ATG4B: variants seen among roughly 807,000 people sequenced by gnomAD.
ATG4B encodes autophagy related 4B cysteine peptidase.
ATG4B carries 29 observed loss-of-function variants against 56.6 expected under a neutral mutation model. That is an observed-to-expected ratio of 0.51 (90% CI 0.38 to 0.70). ATG4B has a LOEUF of 0.70. ATG4B is among the 30% of genes least tolerant of loss of function. The pLI, the probability that ATG4B is intolerant of heterozygous loss-of-function variation, is 0.00. For synonymous variants in ATG4B, 224 were observed against 206.1 expected (o/e 1.09, Z -0.74); for missense variants, 461 against 515.5 (o/e 0.89, Z 1.02).
chr2:241,654,516 A>T, intron 4 of ATG4B, 30 bp from the exon 5 acceptor site: 1 of 1,485,790 alleles, frequency 6.7e-7, no homozygotes, highest in Non-Finnish European at 9.2e-7. Flanking sequence ...TATTTATGGT[A>T]GAGCTGACCT....
At position 241,662,956 on chromosome 2, in the gene ATG4B, C is replaced by CCGGGCG. The variant is rs566208241; in HGVS notation, c.539-3685_539-3680dup. On this transcript the variant is annotated intron_variant, in intron 7 of 12. Coordinates refer to ENST00000404914, the MANE Select transcript of ATG4B (RefSeq NM_013325.5). ...CCAACTTCAAAACCAATAAAGCGGG[C>CCGGGCG]CGGGCGCGGTGGCTCACGCCTATAA... Among the ~76,000 whole-genome samples, 282 of 152,282 alleles carry CCGGGCG rather than the reference C, an allele frequency of 1.9e-3. 2 individuals are homozygous for CCGGGCG. Among genetic ancestry groups the CCGGGCG allele is most frequent in the Admixed American group, 0.012 (181 of 15,290 alleles).
chr2:241,670,536 T>A, intron 10 of ATG4B, 190 bp from the exon 11 acceptor site: 1 of 630,998 alleles, frequency 1.6e-6, no homozygotes, highest in Middle Eastern at 4.0e-4. Flanking sequence ...CGGGCACTGG[T>A]GCAGGGGACC....
chr2:241,660,105 G>T (rs938281779), intron 7 of ATG4B, among the ~76,000 whole-genome samples: 1 of 152,154 alleles, frequency 6.6e-6, no homozygotes, highest in African/African-American at 2.4e-5. Flanking sequence ...CAGAAGAATC[G>T]CTTGAACCTG....
chr2:241,651,074 C>T lies in ATG4B; in HGVS notation c.75C>T (p.Pro25=), dbSNP rs376166765. The change falls in exon 2 of 13, where the codon CCC becomes CCT. Residue 25 remains proline, a synonymous_variant. Coordinates refer to ENST00000404914, the MANE Select transcript of ATG4B (RefSeq NM_013325.5). The surrounding 1 kb of genome is among the most constrained non-coding windows in gnomAD (Gnocchi z 4.1). ...EFEDFPETSE[P]VWILGRKYSI... ...AAGATTTTCCTGAGACCTCAGAGCC[C>T]GTTTGGATACTGGGTAGAAAATACA... 24 of 1,613,740 alleles carry T rather than the reference C, an allele frequency of 1.5e-5. No individual in the cohort carries two copies. The African/African-American group carries it at 1.9e-4, about 13-fold the overall frequency.
intron 6 of ATG4B, among the ~76,000 whole-genome samples, chr2:241,656,276 C>T (rs902575633): frequency 3.9e-5 from 6 of 152,168 alleles, no homozygotes; most frequent in Non-Finnish European, 5.9e-5. Context: ...TGCACAAGTC[C>T]GTCTCTGCCA....
chr2:241,654,834 C>T (rs1437868754), intron 5 of ATG4B, 187 bp downstream of exon 5: 23 of 606,982 alleles, frequency 3.8e-5, no homozygotes, highest in Middle Eastern at 8.7e-4. Context: ...ACATCACCCC[C>T]GTCCCACCCA....
chr2:241,652,001 C>G (rs992161987), intron 3 of ATG4B: 3 of 1,298,844 alleles, frequency 2.3e-6, no homozygotes, highest in African/African-American at 1.5e-5. Flanking sequence ...CGTCATGCTT[C>G]CTCAGTGCCA....
At chr2:241,640,787 C>T (rs866430009) in intron 1 of ATG4B, among the ~76,000 whole-genome samples, 6 of 151,894 alleles carry the variant, frequency 4.0e-5, no homozygotes, top group East Asian at 3.9e-4. Flanking sequence ...TCAGGTGCAG[C>T]GGGTGGCGGT....
chr2:241,659,300 C>G (rs1331731107), intron 7 of ATG4B, 113 bp downstream of exon 7: 3 of 931,416 alleles, frequency 3.2e-6, no homozygotes, highest in Non-Finnish European at 5.1e-6. Flanking sequence ...TCGCCCCATG[C>G]CGTGCAGGTG....
At chr2:241,644,047 A>C (rs1487794120) in intron 1 of ATG4B, among the ~76,000 whole-genome samples, 1 of 151,954 alleles carries the variant, frequency 6.6e-6, no homozygotes, top group East Asian at 1.9e-4. Context: ...GATCTCATAC[A>C]TCTGAGAGTC....
rs2068231832 is a variant in ATG4B at position 241,651,552 on chromosome 2, C to G, written c.184+217C>G. On this transcript the variant is annotated intron_variant, in intron 3 of 12. Coordinates refer to ENST00000404914, the MANE Select transcript of ATG4B (RefSeq NM_013325.5). The surrounding 1 kb of genome is among the most constrained non-coding windows in gnomAD (Gnocchi z 4.1). ...GCTAGTGTGTTTTCAACTGCAAATCCCAGCTTATTACTGGAGCTGGAAATC... is the reference window on the plus strand; with the variant it reads ...GCTAGTGTGTTTTCAACTGCAAATCGCAGCTTATTACTGGAGCTGGAAATC... Among the ~76,000 whole-genome samples, 1 of 152,180 alleles carries G rather than the reference C, an allele frequency of 6.6e-6. No homozygotes were observed. Among genetic ancestry groups the G allele is most frequent in the Non-Finnish European group, 1.5e-5 (1 of 68,042 alleles).
At chr2:241,639,517 G>A (rs1406691805) in intron 1 of ATG4B, among the ~76,000 whole-genome samples, 2 of 152,200 alleles carry the variant, frequency 1.3e-5, no homozygotes, top group Non-Finnish European at 1.5e-5. Flanking sequence ...CTTTGTACTT[G>A]CATTCATTGG....
At chr2:241,645,749 G>C (rs529183113) in intron 1 of ATG4B, among the ~76,000 whole-genome samples, 4 of 152,306 alleles carry the variant, frequency 2.6e-5, no homozygotes, top group Admixed American at 1.3e-4. Flanking sequence ...AGTACCGAGA[G>C]GAGGGTGCAG....
rs763529623 is a variant in ATG4B, at chr2:241,651,033, C to G, written c.34C>G (p.Arg12Gly). ...DAATLTYDTL[R>G]FAEFEDFPET... ...AGCTACTCTGACCTACGACACTCTC[C>G]GGTTTGCTGAGTTTGAAGATTTTCC... The change falls in exon 2 of 13, where the codon CGG (arginine) becomes GGG (glycine). Residue 12 changes from arginine to glycine, a missense_variant. Transcript: ENST00000404914. The surrounding 1 kb of genome is among the most constrained non-coding windows in gnomAD (Gnocchi z 4.1). 1 of 1,613,740 alleles carries G rather than the reference C, an allele frequency of 6.2e-7. No individual in the cohort carries two copies. Among genetic ancestry groups the G allele is most frequent in the Non-Finnish European group, 8.5e-7 (1 of 1,179,838 alleles).
intron 1 of ATG4B, among the ~76,000 whole-genome samples, chr2:241,647,395 G>T (rs2068093465): frequency 6.6e-6 from 1 of 150,764 alleles, no homozygotes; most frequent in African/African-American, 2.4e-5. Flanking sequence ...GAGGCGGGAG[G>T]ATCATGAGGT....
In ATG4B at chr2:241,655,233, G is replaced by A. The variant is rs1178087630; in HGVS notation, c.386-38G>A. Reference sequence around the variant, plus strand: ...GTGCCACCAGAGGTCAGGGCTGGGGGCGGGTGTGTGTTGCTAATGTGTATC... The same window carrying A: ...GTGCCACCAGAGGTCAGGGCTGGGGACGGGTGTGTGTTGCTAATGTGTATC... On this transcript the variant is annotated intron_variant, in intron 5 of 12. Transcript: ENST00000404914. The A allele has an allele frequency of 1.9e-6, 3 of 1,583,324 alleles. No homozygotes were observed. The South Asian group carries it at 3.4e-5, about 18-fold the overall frequency.
chr2:241,653,751 G>T (rs994750197), intron 4 of ATG4B, 141 bp downstream of exon 4: 1 of 695,820 alleles, frequency 1.4e-6, no homozygotes, highest in Non-Finnish European at 2.3e-6. Flanking sequence ...TGAGCCACTT[G>T]TTTTTCTTGA....
chr2:241,672,259 C>T lies in ATG4B; in HGVS notation c.1177C>T (p.Leu393Phe). The T allele has an allele frequency of 6.3e-7, 1 of 1,575,768 alleles. No individual in the cohort carries two copies. Among genetic ancestry groups the T allele is most frequent in the Non-Finnish European group, 8.6e-7 (1 of 1,160,240 alleles). ...AGATGAAGACTTTGAAATCCTGTCCCTTTGAAAATCCTGGGGTCGGGGGTG... is the reference window on the plus strand; with the variant it reads ...AGATGAAGACTTTGAAATCCTGTCCTTTTGAAAATCCTGGGGTCGGGGGTG... ...SEDEDFEILS[L>F] Residue 393 changes from leucine to phenylalanine, a missense_variant, in exon 13 of 13, where the codon CTT (leucine) becomes TTT (phenylalanine). Coordinates refer to ENST00000404914, the MANE Select transcript of ATG4B (RefSeq NM_013325.5).
intron 8 of ATG4B, 190 bp from the exon 9 acceptor site, chr2:241,667,953 G>A (rs779032459): frequency 8.7e-6 from 5 of 576,730 alleles, no homozygotes; most frequent in Non-Finnish European, 1.5e-5. Context: ...CTGCAGATTG[G>A]GTTTCTTGTG....
Sources: allele counts gnomAD v4.1 joint callset (sites outside exome capture counted in the v4.1 genomes callset), GRCh38; gene constraint gnomAD v4.1.1; non-coding constraint Gnocchi (gnomAD v3.1); transcripts MANE v1.5; gene names NCBI Gene and HGNC (gene_info 2026-07-23, HGNC 2026-07-21).